The following TBC1D32 variants were observed in gnomAD, a reference collection of about 807,000 sequenced individuals.
TBC1D32 encodes protein broad-minded.
TBC1D32 carries 151 observed loss-of-function variants against 170.3 expected under a neutral mutation model. The ratio of observed to expected loss-of-function variants is 0.89; its 90% CI spans 0.78 to 1.01. The LOEUF is 1.01. Among genes scored for constraint, TBC1D32 ranks in the 50% least tolerant of loss-of-function variants. TBC1D32 has a pLI of 0.00. For missense variants in TBC1D32, 1,464 were observed against 1,457.1 expected, an observed-to-expected ratio of 1.00 and a Z score of -0.08; for synonymous variants, 498 against 488.0, an observed-to-expected ratio of 1.02 and a Z score of -0.27.
At chr6:121,233,688 C>G (rs995653664) in intron 20 of TBC1D32, among the ~76,000 whole-genome samples, 6 of 152,094 alleles carry the variant, frequency 3.9e-5, no homozygotes, top group African/African-American at 1.4e-4. Flanking sequence ...TTAAGTGGAG[C>G]ATTTAGGCCA....
At chr6:121,333,961 G>A (rs1811532058) in intron 1 of TBC1D32, among the ~76,000 whole-genome samples, 1 of 152,152 alleles carries the variant, frequency 6.6e-6, no homozygotes, top group South Asian at 2.1e-4. Context: ...CAGCTACTCG[G>A]GAGGCTGAGG....
chr6:121,256,340 A>T lies in TBC1D32; in HGVS notation c.1734-55T>A, dbSNP rs920540920. 4.8e-6 allele frequency: 7 copies of T among 1,451,970 alleles called. No individual in the cohort carries two copies. In the African/African-American group the frequency reaches 8.5e-5, roughly 18 times the overall value. 89.9% of individuals were successfully genotyped at this position (1,451,970 alleles called of 1,614,324 possible). A position where few individuals can be genotyped will look rare whatever the true frequency, so the allele number is the denominator to read the frequency against. ...AGGTTATATTAATCTTGACTTCATA[A>T]AGCTCTACCAAAAAGGCTAGTCTTG... On this transcript the variant is annotated intron_variant, in intron 15 of 31. Transcript: ENST00000398212.
At chr6:121,131,155 TG>T (rs1562584484) in intron 25 of TBC1D32, among the ~76,000 whole-genome samples, 1 of 151,952 alleles carries the variant, frequency 6.6e-6, no homozygotes, top group African/African-American at 2.4e-5. Flanking sequence ...AGAAAACAAA[TG>T]CGCAAGTAGA....
chr6:121,328,725 C>T (rs1810805920), intron 1 of TBC1D32, among the ~76,000 whole-genome samples: 1 of 152,178 alleles, frequency 6.6e-6, no homozygotes, highest in South Asian at 2.1e-4. Flanking sequence ...TTAGGCAAAA[C>T]ACCTGACCTT....
chr6:121,284,998 TGAG>T (rs1259553397), intron 12 of TBC1D32, among the ~76,000 whole-genome samples: 1 of 151,972 alleles, frequency 6.6e-6, no homozygotes, highest in Non-Finnish European at 1.5e-5. Context: ...TCACAATCAA[TGAG>T]AAGAAAAGAT....
chr6:121,149,232 C>A (rs963847089), intron 24 of TBC1D32, among the ~76,000 whole-genome samples: 2 of 152,068 alleles, frequency 1.3e-5, no homozygotes, highest in African/African-American at 2.4e-5. Context: ...ATGATAGTTT[C>A]TTTTGCTGTG....
intron 22 of TBC1D32, among the ~76,000 whole-genome samples, chr6:121,199,464 G>A (rs1791249446): frequency 6.6e-6 from 1 of 151,248 alleles, no homozygotes; most frequent in African/African-American, 2.5e-5. Flanking sequence ...AAGAGGTAGG[G>A]TAATGAGTGT....
At chr6:121,131,464 T>C (rs1781431070) in intron 25 of TBC1D32, among the ~76,000 whole-genome samples, 163 bp downstream of exon 25, 1 of 152,078 alleles carries the variant, frequency 6.6e-6, no homozygotes, top group Non-Finnish European at 1.5e-5. Context: ...TCTCATATTT[T>C]AATTTGTGTT....
chr6:121,271,297 C>A (rs1237414198), intron 15 of TBC1D32, among the ~76,000 whole-genome samples: 1 of 152,044 alleles, frequency 6.6e-6, no homozygotes, highest in African/African-American at 2.4e-5. Flanking sequence ...AAAGGGTATT[C>A]AATTAGGAAA....
In TBC1D32 at chr6:121,255,373, T is replaced by C. The variant is rs758248002; in HGVS notation, c.1973A>G (p.Glu658Gly). Residue 658 changes from glutamate to glycine, a missense_variant, in exon 17 of 32, where the codon GAG (glutamate) becomes GGG (glycine). By Grantham distance (98) the Glu-to-Gly change is moderately conservative. Around this residue, in one of 3 missense-constraint regions of TBC1D32, gnomAD observed 1,363 missense variants for 1,338.1 expected, o/e 1.02. Transcript: ENST00000398212. ...LLSERIPTPV[E>G]GSDSVSSVSQ... is the part of the protein sequence containing the mutation. ...TACTGAAGAAACAGAATCAGAACCC[T>C]CTACTGGAGTAGGAATTCTTTCTGA... The C allele has an allele frequency of 6.5e-7, 1 of 1,531,136 alleles. No individual in the cohort carries two copies. Among genetic ancestry groups the C allele is most frequent in the South Asian group, 1.3e-5 (1 of 77,274 alleles). The allele number at this position is 1,531,136 out of a possible 1,614,324, so 94.8% of individuals were successfully genotyped here.
chr6:121,291,852 A>T (rs193148735), intron 12 of TBC1D32, among the ~76,000 whole-genome samples: 157 of 152,226 alleles, frequency 1.0e-3, no homozygotes, highest in African/African-American at 2.4e-3. Context: ...ATAATAATAA[A>T]AAAAAAATAC....
intron 17 of TBC1D32, among the ~76,000 whole-genome samples, chr6:121,254,425 A>T (rs969850589): frequency 2.0e-5 from 3 of 148,310 alleles, no homozygotes; most frequent in Non-Finnish European, 4.6e-5. Flanking sequence ...AAAAATGAAA[A>T]TTAATTATTA....
chr6:121,205,554 C>T (rs1792139991), intron 21 of TBC1D32, among the ~76,000 whole-genome samples: 1 of 152,112 alleles, frequency 6.6e-6, no homozygotes, highest in Non-Finnish European at 1.5e-5. Context: ...AATATAAAAT[C>T]CACAAATTAG....
rs373913420 is a variant in TBC1D32, at chr6:121,299,384, A to C, written c.1140+62T>G. On this transcript the variant is annotated intron_variant, in intron 10 of 31. Transcript: ENST00000398212. ...CCACACAACTTTGCATAGTCAAGTT[A>C]TTACATCATATATATTCTGGTGATA... 9.8e-6 allele frequency: 14 copies of C among 1,421,702 alleles called. No homozygotes were observed. The African/African-American group carries it at 1.3e-4, about 13-fold the overall frequency. 88.1% of individuals were successfully genotyped at this position (1,421,702 alleles called of 1,614,324 possible).
intron 17 of TBC1D32, among the ~76,000 whole-genome samples, chr6:121,252,568 AG>A (rs1448331519): frequency 6.6e-6 from 1 of 152,074 alleles, no homozygotes; most frequent in African/African-American, 2.4e-5. Context: ...AGGGCCTCTC[AG>A]GGGGTGGAGA....
At chr6:121,294,886 T>G (rs1805388839) in intron 10 of TBC1D32, among the ~76,000 whole-genome samples, 1 of 152,206 alleles carries the variant, frequency 6.6e-6, no homozygotes, top group Non-Finnish European at 1.5e-5. Flanking sequence ...AATATGATAA[T>G]GTTATAATGT....
chr6:121,330,869 G>C (rs1031327752), intron 1 of TBC1D32, among the ~76,000 whole-genome samples: 2 of 152,106 alleles, frequency 1.3e-5, no homozygotes, highest in African/African-American at 4.8e-5. Flanking sequence ...TGAAAGCAAC[G>C]TACTCTTCTC....
At chr6:121,192,084 C>CTT (rs1562844877) in intron 22 of TBC1D32, among the ~76,000 whole-genome samples, 2 of 126,344 alleles carry the variant, frequency 1.6e-5, no homozygotes, top group Non-Finnish European at 1.5e-5. Context: ...ATATATATAT[C>CTT]CTATTAGTTC....
intron 15 of TBC1D32, among the ~76,000 whole-genome samples, chr6:121,268,073 G>C (rs1223799831): frequency 1.3e-5 from 2 of 151,972 alleles, no homozygotes; most frequent in Non-Finnish European, 2.9e-5. Context: ...CTAACAAACA[G>C]AAAGAATATC....
Sources: allele counts gnomAD v4.1 joint callset (sites outside exome capture counted in the v4.1 genomes callset), GRCh38; gene constraint gnomAD v4.1.1; regional missense constraint gnomAD v4.1.1; transcripts MANE v1.5; gene names NCBI Gene and HGNC (gene_info 2026-07-23, HGNC 2026-07-21).